Variants in SOS1 observed in about 807,000 individuals in gnomAD.
SOS1 encodes SOS Ras/Rac guanine nucleotide exchange factor 1.
Under a neutral mutation model 157.6 loss-of-function variants are expected in SOS1, and 25 were observed. That is an observed-to-expected ratio of 0.16 (90% confidence interval 0.12 to 0.22). SOS1 has a LOEUF of 0.22. Ranked by LOEUF, SOS1 falls within the 10% of genes least tolerant of loss-of-function variation. The pLI is 1.00. For synonymous variants in SOS1, 528 were observed against 534.0 expected, an observed-to-expected ratio of 0.99 and a Z score of 0.16; for missense variants, 1,237 against 1,599.1, an observed-to-expected ratio of 0.77 and a Z score of 3.86.
At chr2:39,058,531 C>T (rs957980779) in intron 3 of SOS1, 142 bp downstream of exon 3, 8 of 811,802 alleles carry the variant, frequency 9.9e-6, no homozygotes, top group Non-Finnish European at 1.6e-5. Context: ...CCCTTCTCAC[C>T]ACATAAATCT....
intron 1 of SOS1, among the ~76,000 whole-genome samples, chr2:39,112,905 G>A (rs910219010): frequency 1.4e-4 from 22 of 152,064 alleles, no homozygotes; most frequent in Admixed American, 1.4e-3. Context: ...TGCGTGTGAT[G>A]GAGTGCGCCT....
At chr2:39,007,843 A>G (rs1168518303) in intron 15 of SOS1, among the ~76,000 whole-genome samples, 2 of 152,146 alleles carry the variant, frequency 1.3e-5, no homozygotes, top group East Asian at 1.9e-4. Context: ...ATGCACACGC[A>G]CACACACACA....
At chr2:39,043,740 C>G (rs1442170605) in intron 6 of SOS1, among the ~76,000 whole-genome samples, 2 of 152,140 alleles carry the variant, frequency 1.3e-5, no homozygotes, top group African/African-American at 4.8e-5. Context: ...GTCTCTTTCT[C>G]TTTTTATAAA....
chr2:39,080,473 T>G (rs1238647804), intron 1 of SOS1, among the ~76,000 whole-genome samples: 3 of 152,186 alleles, frequency 2.0e-5, no homozygotes, highest in African/African-American at 7.2e-5. Flanking sequence ...GACCCCTGAT[T>G]TAAACTGAAC....
chr2:39,122,855 A>G (rs1673942573), upstream of SOS1, among the ~76,000 whole-genome samples: 1 of 151,994 alleles, frequency 6.6e-6, no homozygotes, highest in Non-Finnish European at 1.5e-5. Context: ...GCCCTCTTCA[A>G]ATATTTAAAG....
intron 17 of SOS1, among the ~76,000 whole-genome samples, chr2:38,999,197 AAAGG>A (rs1669004554): frequency 6.6e-6 from 1 of 152,248 alleles, no homozygotes; most frequent in African/African-American, 2.4e-5. Flanking sequence ...CAGTGTGTAT[AAAGG>A]CATTGATTCA....
chr2:39,107,122 A>G (rs1221286692), intron 1 of SOS1, among the ~76,000 whole-genome samples: 1 of 152,058 alleles, frequency 6.6e-6, no homozygotes, highest in Non-Finnish European at 1.5e-5. Flanking sequence ...TTGGGAACAA[A>G]TTACCCACCT....
chr2:39,031,985 T>C (rs902875359), intron 8 of SOS1, among the ~76,000 whole-genome samples: 11 of 152,182 alleles, frequency 7.2e-5, no homozygotes, highest in Non-Finnish European at 1.6e-4. Flanking sequence ...GTCAGCAGCA[T>C]TAAAGTCACA....
At chr2:39,083,830 T>C (rs1672286924) in intron 1 of SOS1, among the ~76,000 whole-genome samples, 1 of 152,200 alleles carries the variant, frequency 6.6e-6, no homozygotes, top group South Asian at 2.1e-4. Context: ...AATGGTTGGA[T>C]ACACTGTGGA....
upstream of SOS1, among the ~76,000 whole-genome samples, chr2:39,122,447 T>TATACACACAC (rs1279881533): frequency 1.4e-5 from 2 of 142,098 alleles, no homozygotes; most frequent in African/African-American, 5.2e-5. Context: ...AAAAAAAATA[T>TATACACACAC]ACACACACAC....
At chr2:39,095,979 T>A (rs892610217) in intron 1 of SOS1, among the ~76,000 whole-genome samples, 1 of 152,232 alleles carries the variant, frequency 6.6e-6, no homozygotes, top group East Asian at 1.9e-4. Flanking sequence ...TAGATGTTTA[T>A]GTGGAGCTAT....
chr2:39,036,154 T>C (rs554706773), intron 6 of SOS1, among the ~76,000 whole-genome samples: 4 of 152,004 alleles, frequency 2.6e-5, no homozygotes, highest in African/African-American at 7.2e-5. Flanking sequence ...AGAAATAGAG[T>C]CGCTACTCTT....
rs1318011891 is a variant in SOS1, at chr2:39,023,316, CA to C, written c.1203-92del. ...GGGAAAGTGTAAAAGTAGATTTTTA[CA>C]AGTCTCACTGAGAAGGTATTCACTA... is the stretch of plus-strand genomic sequence containing the variant. On this transcript the variant is annotated intron_variant, in intron 9 of 22. Coordinates refer to ENST00000402219, the MANE Select transcript of SOS1 (RefSeq NM_005633.4). 1.0e-5 allele frequency: 9 copies of C among 895,690 alleles called. 1 individual carries two copies. The Admixed American group carries it at 1.2e-4, about 12-fold the overall frequency. The allele number at this position is 895,690 out of a possible 1,614,324, so 55.5% of individuals were successfully genotyped here.
rs140630852 is a variant in SOS1 at position 39,073,404 on chromosome 2, T to A, written c.88-5651A>T. Among the ~76,000 whole-genome samples the A allele has an allele frequency of 1.5e-3, 223 of 152,364 alleles. 1 individual carries two copies. The highest frequency in any genetic ancestry group is 4.9e-3 in the African/African-American group (204 of 41,590). ...ATGTTTACTGACACAGAAAATTTCA[T>A]ATACTTCTTTATATTTTCTTAAAGT... On this transcript the variant is annotated intron_variant, in intron 1 of 22. Coordinates refer to ENST00000402219, the MANE Select transcript of SOS1 (RefSeq NM_005633.4).
At chr2:39,057,078 C>T (rs905149113) in intron 3 of SOS1, among the ~76,000 whole-genome samples, 2 of 152,078 alleles carry the variant, frequency 1.3e-5, no homozygotes, top group African/African-American at 2.4e-5. Flanking sequence ...GCAAAATTAC[C>T]TCTAATGATG....
Position 39,064,353 on chromosome 2 carries a change from G to C in SOS1, c.213+3275C>G, listed in dbSNP as rs151151836. 5.2e-3 allele frequency among the ~76,000 whole-genome samples: 791 copies of C among 152,256 alleles called. 12 individuals carry two copies. Among genetic ancestry groups the C allele is most frequent in the African/African-American group, 0.018 (743 of 41,548 alleles). On this transcript the variant is annotated intron_variant, in intron 2 of 22. Transcript: ENST00000402219. ...CACCTCTTAATACCACCACAGTGGG[G>C]TTTAGGTTTCAACATGAATTTGGGA...
At position 38,985,819 on chromosome 2, in the gene SOS1, G is replaced by A. The variant is rs1668538845; in HGVS notation, c.*5C>T. ...AGGAAAATATACATCCCAGTACAGAGGAACTCAGGAAGAATGGGCATTCTC... is the reference window on the plus strand; with the variant it reads ...AGGAAAATATACATCCCAGTACAGAAGAACTCAGGAAGAATGGGCATTCTC... On this transcript the variant is annotated 3_prime_UTR_variant, in exon 23 of 23. Coordinates refer to ENST00000402219, the MANE Select transcript of SOS1 (RefSeq NM_005633.4). 3 of 1,613,528 alleles carry A rather than the reference G, an allele frequency of 1.9e-6. No individual in the cohort carries two copies. The highest frequency in any genetic ancestry group is 1.7e-5 in the Admixed American group (1 of 59,960).
At chr2:38,993,774 A>T (rs188041226) in intron 20 of SOS1, 54 of 152,300 alleles carry the variant, frequency 3.5e-4, no homozygotes, top group African/African-American at 1.2e-3. Context: ...TAATAATGTC[A>T]TGCTGCCTCT....
chr2:39,002,907 A>G (rs1249035308), intron 17 of SOS1, among the ~76,000 whole-genome samples: 2 of 152,106 alleles, frequency 1.3e-5, no homozygotes, highest in African/African-American at 2.4e-5. Context: ...TCTACAAAAA[A>G]TAAAAAAATT....
Sources: gnomAD v4.1 joint callset for allele counts (sites outside exome capture counted in the v4.1 genomes callset) on GRCh38, gnomAD v4.1.1 for gene constraint, MANE v1.5 for transcripts, NCBI Gene and HGNC (gene_info 2026-07-23, HGNC 2026-07-21) for gene names.